Variants in KCNIP3 observed in about 807,000 individuals in gnomAD.
KCNIP3 encodes potassium voltage-gated channel interacting protein 3.
Under a neutral mutation model 35.0 loss-of-function variants are expected in KCNIP3, and 28 were observed. That is an observed-to-expected ratio of 0.80 (90% CI 0.59 to 1.10). The LOEUF is 1.10. Among genes scored for constraint, KCNIP3 ranks in the 50% least tolerant of loss-of-function variants. The probability of loss-of-function intolerance (pLI) is 0.00; values close to 1 mark genes in which losing one functional copy is unlikely to be tolerated. For missense variants in KCNIP3, 295 were observed against 338.4 expected (o/e 0.87, Z 1.01); for synonymous variants, 134 against 133.8 (o/e 1.00, Z -0.01).
At position 95,374,341 on chromosome 2, in the gene KCNIP3, C is replaced by T; in HGVS notation, c.227C>T (p.Pro76Leu). Residue 76 changes from proline to leucine, a missense_variant, in exon 3 of 9, where the codon CCA becomes CTA. Coordinates refer to ENST00000295225, the MANE Select transcript of KCNIP3 (RefSeq NM_013434.5). ...ELELSTVRHQ[P>L]EGLDQLQAQT... ...GAGCTGTCCACGGTGCGCCACCAGC[C>T]AGAGGGGCTGGACCAGCTGCAGGCC... 1 of 1,614,174 alleles carries T rather than the reference C, an allele frequency of 6.2e-7. No homozygotes were observed. The highest frequency in any genetic ancestry group is 1.1e-5 in the South Asian group (1 of 91,088).
chr2:95,347,466 G>T (rs1679405866), intron 2 of KCNIP3, among the ~76,000 whole-genome samples: 1 of 152,184 alleles, frequency 6.6e-6, no homozygotes, highest in Admixed American at 6.5e-5. Flanking sequence ...GCAGATGACA[G>T]GAAGGACCCT....
At chr2:95,333,046 C>G (rs1484372542) in intron 2 of KCNIP3, among the ~76,000 whole-genome samples, 6 of 152,202 alleles carry the variant, frequency 3.9e-5, no homozygotes, top group Non-Finnish European at 8.8e-5. Context: ...CTGGGCCTCA[C>G]TTGTCTCACC....
chr2:95,349,363 C>T (rs1216663393), intron 2 of KCNIP3, among the ~76,000 whole-genome samples: 1 of 152,158 alleles, frequency 6.6e-6, no homozygotes, highest in African/African-American at 2.4e-5. Context: ...TCTGAGCCTC[C>T]GTGGTTCTCA....
intron 2 of KCNIP3, among the ~76,000 whole-genome samples, chr2:95,320,126 T>A (rs1678556315): frequency 6.6e-6 from 1 of 152,076 alleles, no homozygotes; most frequent in Non-Finnish European, 1.5e-5. Flanking sequence ...TGGCTGGGTG[T>A]GGACCCGGAG....
intron 2 of KCNIP3, chr2:95,311,122 C>G (rs961536184): frequency 6.2e-6 from 1 of 160,634 alleles, no homozygotes; most frequent in African/African-American, 2.4e-5. Flanking sequence ...TGGTGTTTGC[C>G]GAGTATAACA....
intron 2 of KCNIP3, among the ~76,000 whole-genome samples, chr2:95,342,291 T>A (rs941929398): frequency 1.3e-5 from 2 of 152,218 alleles, no homozygotes; most frequent in African/African-American, 4.8e-5. Flanking sequence ...AAGCAAAGCA[T>A]TAACCACTCT....
intron 2 of KCNIP3, among the ~76,000 whole-genome samples, chr2:95,349,815 G>A (rs1679466851): frequency 1.3e-5 from 2 of 152,354 alleles, no homozygotes; most frequent in Admixed American, 6.5e-5. Context: ...TGCCATCCAC[G>A]AGCCTTGCTT....
chr2:95,334,279 C>T (rs1019329650), intron 2 of KCNIP3, among the ~76,000 whole-genome samples: 3 of 152,122 alleles, frequency 2.0e-5, no homozygotes, highest in East Asian at 1.9e-4. Flanking sequence ...TAGCACCGCA[C>T]TAGTTAGCAT....
At position 95,302,317 on chromosome 2, in the gene KCNIP3, G is replaced by T. The variant is rs192977127; in HGVS notation, c.15+4864G>T. Among the ~76,000 whole-genome samples the T allele has an allele frequency of 2.8e-3, 432 of 152,344 alleles. 1 individual carries two copies. Among genetic ancestry groups the T allele is most frequent in the Admixed American group, 8.6e-3 (131 of 15,310 alleles). On this transcript the variant is annotated intron_variant, in intron 1 of 8. Coordinates refer to ENST00000295225, the MANE Select transcript of KCNIP3 (RefSeq NM_013434.5). ...CCCTTTGCCTTTCAGGCAAGGCCAA[G>T]AATTTTCTATCTGGAGGGACAGACA... is the stretch of plus-strand genomic sequence containing the variant.
chr2:95,331,339 T>G (rs1262788893), intron 2 of KCNIP3, among the ~76,000 whole-genome samples: 1 of 151,778 alleles, frequency 6.6e-6, no homozygotes, highest in Non-Finnish European at 1.5e-5. Context: ...TTATTCACTG[T>G]GGTGGGAAAA....
chr2:95,318,786 G>A (rs1678520131), intron 2 of KCNIP3, among the ~76,000 whole-genome samples: 1 of 152,260 alleles, frequency 6.6e-6, no homozygotes, highest in Admixed American at 6.5e-5. Flanking sequence ...CTGAGCAAGT[G>A]CTGTGGGGAC....
At chr2:95,317,647 G>A (rs1678492144) in intron 2 of KCNIP3, among the ~76,000 whole-genome samples, 2 of 152,198 alleles carry the variant, frequency 1.3e-5, no homozygotes, top group African/African-American at 4.8e-5. Flanking sequence ...ACCAAGAGGA[G>A]AGACGCTGCT....
intron 2 of KCNIP3, among the ~76,000 whole-genome samples, chr2:95,370,345 C>G (rs1680014324): frequency 6.6e-6 from 1 of 152,192 alleles, no homozygotes; most frequent in African/African-American, 2.4e-5. Flanking sequence ...TTTGTTTTGA[C>G]TTTGTCATTG....
chr2:95,327,392 T>TAC (rs987193774), intron 2 of KCNIP3, among the ~76,000 whole-genome samples: 26 of 152,032 alleles, frequency 1.7e-4, no homozygotes, highest in Non-Finnish European at 3.1e-4. Flanking sequence ...CACGCACACA[T>TAC]ACACACACTC....
chr2:95,334,748 G>A (rs1379190205), intron 2 of KCNIP3, among the ~76,000 whole-genome samples: 1 of 152,196 alleles, frequency 6.6e-6, no homozygotes, highest in Non-Finnish European at 1.5e-5. Context: ...CATCACTGGG[G>A]ACCAGGAAGC....
At chr2:95,297,888 G>A (rs1302991060) in intron 1 of KCNIP3, among the ~76,000 whole-genome samples, 2 of 152,168 alleles carry the variant, frequency 1.3e-5, no homozygotes, top group African/African-American at 2.4e-5. Context: ...GGGTGAGCCT[G>A]GGAGGGAGTC....
At chr2:95,381,473 C>T (rs1419510153) in intron 5 of KCNIP3, 123 bp from the exon 6 acceptor site, 1 of 682,922 alleles carries the variant, frequency 1.5e-6, no homozygotes, top group Non-Finnish European at 2.7e-6. Context: ...TGGATGCCGT[C>T]AGTCTCTTAG....
chr2:95,337,165 G>A (rs1389111603), intron 2 of KCNIP3, among the ~76,000 whole-genome samples: 1 of 152,106 alleles, frequency 6.6e-6, no homozygotes, highest in Non-Finnish European at 1.5e-5. Context: ...CCAGTGCTAG[G>A]AGACCTTGTA....
chr2:95,351,399 T>C (rs527334523), intron 2 of KCNIP3, among the ~76,000 whole-genome samples: 9 of 152,102 alleles, frequency 5.9e-5, no homozygotes, highest in Admixed American at 3.9e-4. Flanking sequence ...AGCATTGGGG[T>C]TGGGGGAAGT....
Sources: gnomAD v4.1 joint callset for allele counts (sites outside exome capture counted in the v4.1 genomes callset) on GRCh38, gnomAD v4.1.1 for gene constraint, MANE v1.5 for transcripts, NCBI Gene and HGNC (gene_info 2026-07-23, HGNC 2026-07-21) for gene names.